Variants in LATS2 observed in about 807,000 individuals in gnomAD.
LATS2 encodes the protein large tumor suppressor kinase 2.
In LATS2, 24 loss-of-function variants were observed where a neutral mutation model predicts 76.0. The ratio of observed to expected loss-of-function variants is 0.32; its 90% CI spans 0.23 to 0.44. The LOEUF (loss-of-function observed/expected upper bound fraction) is 0.44. Ranked by LOEUF, LATS2 falls within the 20% of genes least tolerant of loss-of-function variation. The pLI is 1.00. For synonymous variants in LATS2, 692 were observed against 635.4 expected, an observed-to-expected ratio of 1.09 and a Z score of -1.34; for missense variants, 1,286 against 1,481.2, an observed-to-expected ratio of 0.87 and a Z score of 2.16.
rs150903403 is a variant in LATS2 at position 21,040,587 on chromosome 13, C to T, written c.342+5098G>A. 2.9e-3 allele frequency among the ~76,000 whole-genome samples: 443 copies of T among 152,154 alleles called. 8 individuals are homozygous for T. The highest frequency in any genetic ancestry group is 0.018 in the Admixed American group (281 of 15,284). On this transcript the variant is annotated intron_variant, in intron 2 of 7. Transcript: ENST00000382592. The stretch of plus-strand genomic sequence containing the variant: ...GTCAGAGAGACCCAAAGTAAGCAAG[C>T]GGGAAGAGCTGTCTGGGAGGCCATG...
At chr13:21,025,903 G>A (rs1257206017) in intron 2 of LATS2, among the ~76,000 whole-genome samples, 1 of 152,168 alleles carries the variant, frequency 6.6e-6, no homozygotes. Context: ...CTCTGACTAG[G>A]ACTAGATTAG....
At chr13:21,025,177 C>T (rs1043377865) in intron 2 of LATS2, among the ~76,000 whole-genome samples, 6 of 149,254 alleles carry the variant, frequency 4.0e-5, no homozygotes, top group African/African-American at 9.9e-5. Flanking sequence ...GTCAGGAGCT[C>T]GAGACCAGCT....
chr13:20,996,131 C>T (rs773553661), intron 2 of LATS2, among the ~76,000 whole-genome samples: 4 of 152,176 alleles, frequency 2.6e-5, no homozygotes, highest in Non-Finnish European at 5.9e-5. Context: ...TTGAAGCCAT[C>T]ATATGAGCAC....
intron 2 of LATS2, among the ~76,000 whole-genome samples, chr13:21,029,067 T>C (rs2138375742): frequency 6.6e-6 from 1 of 152,344 alleles, no homozygotes; most frequent in East Asian, 1.9e-4. Context: ...CCAATCTGTG[T>C]ACTTTTATTT....
rs868650325 is a variant in LATS2, at chr13:21,030,617, A to G, written c.342+15068T>C. 9.8e-3 allele frequency among the ~76,000 whole-genome samples: 1,441 copies of G among 146,810 alleles called. 25 individuals carry two copies. Among genetic ancestry groups the G allele is most frequent in the African/African-American group, 0.034 (1,371 of 40,558 alleles). On this transcript the variant is annotated intron_variant, in intron 2 of 7. Transcript: ENST00000382592. ...AAAAAAAAAAAAAAAAAAAAGAAAA[A>G]AAAAAAGAAAAAGAACTCTACAATA...
chr13:21,046,048 C>T lies in LATS2; in HGVS notation c.-22G>A. The T allele has an allele frequency of 6.6e-7, 1 of 1,516,304 alleles. No individual in the cohort carries two copies. Among genetic ancestry groups the T allele is most frequent in the African/African-American group, 1.4e-5 (1 of 72,008 alleles). 93.9% of individuals were successfully genotyped at this position (1,516,304 alleles called of 1,614,324 possible). On this transcript the variant is annotated 5_prime_UTR_variant, in exon 2 of 8. Coordinates refer to ENST00000382592, the MANE Select transcript of LATS2 (RefSeq NM_014572.3). The stretch of plus-strand genomic sequence containing the variant: ...TCATTGTTAGTCCAGTTTCCTTTTA[C>T]CATAAATACAATCTTCTTAAAGTGT...
At position 20,983,283 on chromosome 13, in the gene LATS2, G is replaced by T. The variant is rs774491904; in HGVS notation, c.2423C>A (p.Thr808Lys). ...LIDLDGHIKL[T>K]DFGLCTGFRW... ...GAACCCAGTGCAGAGGCCGAAATCT[G>T]TGAGTTTAATGTGACCATCCAGATC... The change falls in exon 5 of 8, where the codon ACA becomes AAA. Residue 808 changes from threonine to lysine, a missense_variant. Physicochemically the swap from Thr to Lys is moderately conservative, Grantham distance 78. Coordinates refer to ENST00000382592, the MANE Select transcript of LATS2 (RefSeq NM_014572.3). 6.2e-7 allele frequency: 1 copy of T among 1,614,048 alleles called. No individual in the cohort carries two copies. Among genetic ancestry groups the T allele is most frequent in the Non-Finnish European group, 8.5e-7 (1 of 1,179,988 alleles).
intron 1 of LATS2, among the ~76,000 whole-genome samples, chr13:21,055,562 C>T (rs1444297555): frequency 6.6e-6 from 1 of 152,144 alleles, no homozygotes; most frequent in African/African-American, 2.4e-5. Context: ...TTGGTCCTAC[C>T]AAACCCAATT....
At chr13:21,014,079 A>T (rs1871703893) in intron 2 of LATS2, among the ~76,000 whole-genome samples, 1 of 151,486 alleles carries the variant, frequency 6.6e-6, no homozygotes. Context: ...GGAAGGAAGG[A>T]GGAAAGGAAG....
chr13:21,052,188 C>T (rs1023675868), intron 1 of LATS2, among the ~76,000 whole-genome samples: 3 of 152,138 alleles, frequency 2.0e-5, no homozygotes, highest in African/African-American at 7.2e-5. Flanking sequence ...TGACAGCAGG[C>T]TCAATCTGTA....
chr13:21,002,433 G>A (rs1294851224), intron 2 of LATS2, among the ~76,000 whole-genome samples: 1 of 150,216 alleles, frequency 6.7e-6, no homozygotes, highest in African/African-American at 2.5e-5. Flanking sequence ...GGAGTGCAGT[G>A]GTGTGAAAAC....
At chr13:21,058,271 G>T (rs1005988652) in intron 1 of LATS2, among the ~76,000 whole-genome samples, 2 of 152,164 alleles carry the variant, frequency 1.3e-5, no homozygotes, top group Non-Finnish European at 2.9e-5. Flanking sequence ...AGTTTCACAA[G>T]ATTTTAACTA....
Position 20,988,197 on chromosome 13 carries a change from G to T in LATS2, c.1583C>A (p.Ser528Ter). The change falls in exon 4 of 8, where the codon TCG becomes TAG. Residue 528 changes from serine (S) to a stop codon, truncating the protein, a stop_gained. Coordinates refer to ENST00000382592, the MANE Select transcript of LATS2 (RefSeq NM_014572.3). LOFTEE classifies it high-confidence loss of function. Reference sequence around the variant, plus strand: ...CAGGCTGTCCAGGTCGTACTGCTCCGACTTGCTGCGCAGCAGCAGGTGCTT... The same window carrying T: ...CAGGCTGTCCAGGTCGTACTGCTCCTACTTGCTGCGCAGCAGCAGGTGCTT... ...YPKHLLLRSKSEQYDLDSLCA... is the reference protein window; with the variant it reads ...YPKHLLLRSK 1 of 1,612,232 alleles carries T rather than the reference G, an allele frequency of 6.2e-7. No homozygotes were observed. The highest frequency in any genetic ancestry group is 1.1e-5 in the South Asian group (1 of 91,024).
intron 1 of LATS2, among the ~76,000 whole-genome samples, chr13:21,054,661 C>T (rs7319373): frequency 0.71 from 108,262 of 152,054 alleles, 39,402 homozygotes; most frequent in East Asian, 0.87. Flanking sequence ...TCAACCAGGG[C>T]AGTCGAGACT....
In LATS2 at chr13:21,037,163, G is replaced by A. The variant is rs192291773; in HGVS notation, c.342+8522C>T. Among the ~76,000 whole-genome samples the A allele has an allele frequency of 8.4e-3, 1,277 of 152,278 alleles. 12 individuals carry two copies. Among genetic ancestry groups the A allele is most frequent in the African/African-American group, 0.03 (1,228 of 41,554 alleles). ...CTCAGGCCTGTAATCTCAGCACTCC[G>A]GGAGGCCAAGGCATGTGGATCACCT... On this transcript the variant is annotated intron_variant, in intron 2 of 7. Transcript: ENST00000382592.
intron 2 of LATS2, among the ~76,000 whole-genome samples, chr13:21,024,093 CAAAAAAAAAAAAAAA>C (rs748881098): frequency 2.5e-5 from 2 of 79,240 alleles, no homozygotes; most frequent in Admixed American, 1.3e-4. Context: ...TCTCGCTGTG[CAAAAAAAAAAAAAAA>C]AAAAAAAGAA....
At chr13:20,983,169 T>C (rs2138274553) in intron 5 of LATS2, 55 bp downstream of exon 5, 3 of 1,227,954 alleles carry the variant, frequency 2.4e-6, no homozygotes, top group African/African-American at 1.5e-5. Context: ...TTGCTTGCAA[T>C]GGGGTTAGTG....
chr13:21,023,542 CCAGA>C (rs977726534), intron 2 of LATS2, among the ~76,000 whole-genome samples: 6 of 151,136 alleles, frequency 4.0e-5, no homozygotes, highest in Non-Finnish European at 5.9e-5. Context: ...GCCGGAGAGC[CCAGA>C]CAGTGTCTGA....
intron 2 of LATS2, among the ~76,000 whole-genome samples, chr13:21,034,579 T>C (rs1435329596): frequency 6.6e-6 from 1 of 152,110 alleles, no homozygotes; most frequent in Admixed American, 6.6e-5. Flanking sequence ...AGGTGCCTAT[T>C]CCTGATGACA....
Sources: allele counts gnomAD v4.1 joint callset (sites outside exome capture counted in the v4.1 genomes callset), GRCh38; gene constraint gnomAD v4.1.1; transcripts MANE v1.5; gene names NCBI Gene and HGNC (gene_info 2026-07-23, HGNC 2026-07-21).